ATP2B4: variants seen among roughly 807,000 people sequenced by gnomAD.
ATP2B4 encodes ATPase plasma membrane Ca2+ transporting 4.
In ATP2B4, 39 loss-of-function variants were observed where a neutral mutation model predicts 110.3. The ratio of observed to expected loss-of-function variants is 0.35; its 90% CI spans 0.27 to 0.46. The LOEUF (loss-of-function observed/expected upper bound fraction) is 0.46. ATP2B4 is among the 20% of genes least tolerant of loss of function. The pLI, the probability that ATP2B4 is intolerant of heterozygous loss-of-function variation, is 1.00. For missense variants in ATP2B4, 1,135 were observed against 1,530.9 expected (o/e 0.74, Z 4.32); for synonymous variants, 538 against 571.7 (o/e 0.94, Z 0.84).
chr1:203,640,746 T>G (rs1209330497), intron 1 of ATP2B4, among the ~76,000 whole-genome samples: 1 of 152,164 alleles, frequency 6.6e-6, no homozygotes, highest in Non-Finnish European at 1.5e-5. Context: ...AACAGTGAGG[T>G]CGATATTAGC....
At position 203,629,259 on chromosome 1, in the gene ATP2B4, C is replaced by G. The variant is rs1663185688; in HGVS notation, c.-465+2040C>G. On this transcript the variant is annotated intron_variant, in intron 1 of 20. Transcript: ENST00000357681. This position sits in a 1 kb window ranked among gnomAD's most constrained non-coding sequence, Gnocchi z 4.6. ...GGGCCCCCAAGACAGAATTAATGCCCGTGTTCTGGAGGGAGGGGATCCATT... is the reference window on the plus strand; with the variant it reads ...GGGCCCCCAAGACAGAATTAATGCCGGTGTTCTGGAGGGAGGGGATCCATT... Among the ~76,000 whole-genome samples the G allele has an allele frequency of 6.6e-6, 1 of 152,172 alleles. No individual in the cohort carries two copies. Among genetic ancestry groups the G allele is most frequent in the Non-Finnish European group, 1.5e-5 (1 of 68,034 alleles).
intron 2 of ATP2B4, 104 bp downstream of exon 2, chr1:203,683,502 GTA>G (rs1477650570): frequency 8.2e-7 from 1 of 1,221,868 alleles, no homozygotes; most frequent in African/African-American, 1.5e-5. Context: ...GGCCCAGCTG[GTA>G]TATTTTTGTC....
chr1:203,627,583 C>T (rs752584688), intron 1 of ATP2B4, among the ~76,000 whole-genome samples: 1 of 151,970 alleles, frequency 6.6e-6, no homozygotes, highest in South Asian at 2.1e-4. Context: ...CCCCTTCCCC[C>T]CTTGGCTTGG....
At chr1:203,736,203 G>T (rs552754672) in intron 20 of ATP2B4, among the ~76,000 whole-genome samples, 1 of 152,208 alleles carries the variant, frequency 6.6e-6, no homozygotes, top group South Asian at 2.1e-4. Context: ...GGTGGCTCAC[G>T]CCTGTAATCC....
At position 203,657,258 on chromosome 1, in the gene ATP2B4, T is replaced by C. The variant is rs1664189666; in HGVS notation, c.-464-25484T>C. ...GATCAGTCTTTCTTATTTAGGTGGT[T>C]TTCTTGTAAAGCCATCTCCGACAAA... On this transcript the variant is annotated intron_variant, in intron 1 of 20. Coordinates refer to ENST00000357681, the MANE Select transcript of ATP2B4 (RefSeq NM_001684.5). 4.2e-6 allele frequency: 3 copies of C among 715,096 alleles called. No individual in the cohort carries two copies. The South Asian group carries it at 4.8e-5, about 12-fold the overall frequency. 44.3% of individuals were successfully genotyped at this position (715,096 alleles called of 1,614,324 possible). A position where few individuals can be genotyped will look rare whatever the true frequency, so the allele number is the denominator to read the frequency against.
chr1:203,646,734 G>A (rs1429053876), intron 1 of ATP2B4, among the ~76,000 whole-genome samples: 2 of 152,116 alleles, frequency 1.3e-5, no homozygotes, highest in East Asian at 3.9e-4. Context: ...CTGCACTTCA[G>A]CCTGGTGACA....
At position 203,663,870 on chromosome 1, in the gene ATP2B4, C is replaced by T. The variant is rs371164983; in HGVS notation, c.-464-18872C>T. Among the ~76,000 whole-genome samples the T allele has an allele frequency of 3.9e-4, 59 of 152,280 alleles. No individual in the cohort carries two copies. In the South Asian group the frequency reaches 0.012, roughly 31 times the overall value. On this transcript the variant is annotated intron_variant, in intron 1 of 20. Coordinates refer to ENST00000357681, the MANE Select transcript of ATP2B4 (RefSeq NM_001684.5). ...CCTCCTGCCTCGGCCTCCTGAGTCT[C>T]TGGGATTACAGGCATGAGCCACTGT...
chr1:203,648,677 G>T (rs1288123382), intron 1 of ATP2B4, among the ~76,000 whole-genome samples: 8 of 152,212 alleles, frequency 5.3e-5, no homozygotes. Context: ...ACCACCTTTT[G>T]CCATGACTCT....
intron 13 of ATP2B4, 129 bp downstream of exon 13, chr1:203,712,268 C>T: frequency 2.7e-6 from 3 of 1,099,936 alleles, no homozygotes; most frequent in African/African-American, 1.6e-5. Context: ...AGTGAAACAT[C>T]TCCTTGTACC....
intron 18 of ATP2B4, 62 bp from the exon 19 acceptor site, chr1:203,723,819 T>G (rs1571766580): frequency 7.2e-7 from 1 of 1,392,288 alleles, no homozygotes; most frequent in Non-Finnish European, 9.9e-7. Context: ...GGGCCTTGGC[T>G]GGAGGGCCAG....
At chr1:203,712,358 C>T (rs1331072447) in intron 13 of ATP2B4, among the ~76,000 whole-genome samples, 1 of 152,082 alleles carries the variant, frequency 6.6e-6, no homozygotes, top group African/African-American at 2.4e-5. Flanking sequence ...TTTGGGAGGC[C>T]ACGGCGGGTG....
chr1:203,720,851 A>T, intron 16 of ATP2B4, 111 bp downstream of exon 16: 2 of 1,267,000 alleles, frequency 1.6e-6, no homozygotes, highest in Non-Finnish European at 2.2e-6. Flanking sequence ...TTTCCCCATG[A>T]CATTGGGACA....
In ATP2B4 at chr1:203,690,098, G is replaced by A. The variant is rs77821187; in HGVS notation, c.193+6700G>A. On this transcript the variant is annotated intron_variant, in intron 2 of 20. Coordinates refer to ENST00000357681, the MANE Select transcript of ATP2B4 (RefSeq NM_001684.5). ...CGGGAAAAAAAATGTGTTTTAAGAC[G>A]GCCAACCCAAATTACAATTTTGTTT... Among the ~76,000 whole-genome samples the A allele has an allele frequency of 1.9e-3, 290 of 152,250 alleles. 6 individuals are homozygous for A. In the East Asian group the frequency reaches 0.031, roughly 17 times the overall value.
At chr1:203,654,369 GA>G (rs1489924063) in intron 1 of ATP2B4, among the ~76,000 whole-genome samples, 1 of 152,152 alleles carries the variant, frequency 6.6e-6, no homozygotes, top group African/African-American at 2.4e-5. Flanking sequence ...GGTCACCCAG[GA>G]TCTCTGATGG....
At chr1:203,690,076 GA>G (rs537875849) in intron 2 of ATP2B4, among the ~76,000 whole-genome samples, 7 of 152,036 alleles carry the variant, frequency 4.6e-5, no homozygotes, top group Admixed American at 1.3e-4. Flanking sequence ...TGGCAGGCGG[GA>G]AAAAAAATGT....
At chr1:203,690,845 C>T (rs1198008921) in intron 2 of ATP2B4, among the ~76,000 whole-genome samples, 2 of 152,174 alleles carry the variant, frequency 1.3e-5, no homozygotes, top group Non-Finnish European at 2.9e-5. Context: ...AACTAATTCA[C>T]GATGTGAGAA....
chr1:203,683,457 G>C, intron 2 of ATP2B4, 59 bp downstream of exon 2: 1 of 1,488,792 alleles, frequency 6.7e-7, no homozygotes, highest in East Asian at 2.4e-5. Flanking sequence ...TCAAAATATT[G>C]TTTTCCCAGC....
chr1:203,685,309 C>T (rs1665148018), intron 2 of ATP2B4, among the ~76,000 whole-genome samples: 1 of 152,184 alleles, frequency 6.6e-6, no homozygotes, highest in Non-Finnish European at 1.5e-5. Flanking sequence ...TCACTTTAGT[C>T]TGGTTTTAGC....
At chr1:203,724,445 A>C (rs1343704022) in intron 19 of ATP2B4, among the ~76,000 whole-genome samples, 1 of 151,934 alleles carries the variant, frequency 6.6e-6, no homozygotes, top group Non-Finnish European at 1.5e-5. Context: ...TGAACCTGGG[A>C]GGTGGAGCTT....
Sources: allele counts gnomAD v4.1 joint callset (sites outside exome capture counted in the v4.1 genomes callset), GRCh38; gene constraint gnomAD v4.1.1; non-coding constraint Gnocchi (gnomAD v3.1); transcripts MANE v1.5; gene names NCBI Gene and HGNC (gene_info 2026-07-23, HGNC 2026-07-21).